Variants in NEU3 observed in about 807,000 individuals in gnomAD.
NEU3 encodes the protein sialidase-3.
NEU3 carries 10 observed loss-of-function variants against 11.4 expected under a neutral mutation model. The ratio of observed to expected loss-of-function variants is 0.88; its 90% CI spans 0.54 to 1.49. The LOEUF (loss-of-function observed/expected upper bound fraction) is 1.49, where lower values mean the gene tolerates loss of function less well. NEU3 is among the 40% of genes most tolerant of loss of function. The probability of loss-of-function intolerance (pLI) is 0.00; values close to 1 mark genes in which losing one functional copy is unlikely to be tolerated. For missense variants in NEU3, 529 were observed against 581.8 expected (o/e 0.91, Z 0.93); for synonymous variants, 212 against 228.2 (o/e 0.93, Z 0.64).
At chr11:75,014,666 C>T (rs972188552), downstream of NEU3, among the ~76,000 whole-genome samples, 1 of 152,088 alleles carries the variant, frequency 6.6e-6, no homozygotes, top group Non-Finnish European at 1.5e-5. Flanking sequence ...GAGTTCAAGA[C>T]CAGCCTGGGC....
intron 2 of NEU3, among the ~76,000 whole-genome samples, chr11:74,998,027 A>C (rs1216786045): frequency 2.0e-5 from 3 of 152,138 alleles, no homozygotes; most frequent in East Asian, 3.9e-4. Flanking sequence ...TCACTTGAAC[A>C]CTTAGAGGCC....
upstream of NEU3, chr11:74,988,899 C>A (rs1948697305): frequency 7.8e-6 from 5 of 638,958 alleles, no homozygotes; most frequent in South Asian, 5.1e-5. Context: ...CAGCCTGCGC[C>A]CGCCTCTTTT....
downstream of NEU3, among the ~76,000 whole-genome samples, chr11:75,011,734 CA>C (rs5792679): frequency 0.43 from 66,109 of 151,986 alleles, 15,374 homozygotes; most frequent in Non-Finnish European, 0.54. Flanking sequence ...AGCTTGCAAC[CA>C]AAAGAATTTA....
At chr11:74,982,150 G>A in the NEU3 span, among the ~76,000 whole-genome samples, 1 of 152,216 alleles carries the variant, frequency 6.6e-6, no homozygotes, top group South Asian at 2.1e-4. Context: ...AACATTAGCT[G>A]TTTGTTGAGT....
At position 74,994,502 on chromosome 11, in the gene NEU3, C is replaced by T. The variant is rs1408924665; in HGVS notation, c.95-7C>T. On this transcript the variant is annotated splice_polypyrimidine_tract_variant and splice_region_variant and intron_variant, in intron 1 of 2. Transcript: ENST00000294064. ...GACACACATTAAGCTTCCTTCTATC[C>T]TTGCAGAGGTCATGGAAGAAGTGAC... The T allele has an allele frequency of 1.3e-6, 2 of 1,595,690 alleles. No individual in the cohort carries two copies. The highest frequency in any genetic ancestry group is 8.6e-7 in the Non-Finnish European group (1 of 1,168,976).
upstream of NEU3, among the ~76,000 whole-genome samples, chr11:74,983,430 T>A (rs1484588226): frequency 6.6e-6 from 1 of 152,224 alleles, no homozygotes; most frequent in Non-Finnish European, 1.5e-5. Flanking sequence ...CAGGCCATTT[T>A]CCATTATAAC....
rs187628248 is a variant in NEU3, at chr11:74,989,929, G to C, written c.94+775G>C. On this transcript the variant is annotated intron_variant, in intron 1 of 2. Transcript: ENST00000294064. ...TCTGCTTAAATGAACCCCAGAGCAG[G>C]CCCATATCTGATTATTTTCTATCCC... 2.5e-4 allele frequency: 176 copies of C among 701,734 alleles called. 1 individual carries two copies. Among genetic ancestry groups the C allele is most frequent in the Middle Eastern group, 4.6e-4 (2 of 4,362 alleles). The allele number at this position is 701,734 out of a possible 1,614,324, so 43.5% of individuals were successfully genotyped here.
At chr11:74,984,397 C>T (rs1314691027), upstream of NEU3, among the ~76,000 whole-genome samples, 1 of 152,156 alleles carries the variant, frequency 6.6e-6, no homozygotes, top group Admixed American at 6.5e-5. Context: ...TGGCTCTCTG[C>T]GTCATCATAT....
At position 75,005,528 on chromosome 11, in the gene NEU3, G is replaced by T. The variant is rs778712896; in HGVS notation, c.422G>T (p.Arg141Leu). Reference sequence around the variant, plus strand: ...GTGTTCCTGTTCTTCATCTGTGTGCGGGGCCATGTCACAGAGCGTCAACAG... The same window carrying T: ...GTGTTCCTGTTCTTCATCTGTGTGCTGGGCCATGTCACAGAGCGTCAACAG... ...GCVFLFFICVRGHVTERQQIV... is the reference protein window; with the variant it reads ...GCVFLFFICVLGHVTERQQIV... Residue 141 changes from arginine (R) to leucine (L), a missense_variant, in exon 3 of 3, where the codon CGG becomes CTG. Arg to Leu is a moderately radical substitution (Grantham distance 102). Transcript: ENST00000294064. 1.9e-6 allele frequency: 3 copies of T among 1,613,808 alleles called. No homozygotes were observed. In the African/African-American group the frequency reaches 4.0e-5, roughly 22 times the overall value.
At position 74,994,543 on chromosome 11, in the gene NEU3, C is replaced by T; in HGVS notation, c.129C>T (p.Asn43=). 6.2e-7 allele frequency: 1 copy of T among 1,613,298 alleles called. No individual in the cohort carries two copies. Among genetic ancestry groups the T allele is most frequent in the Non-Finnish European group, 8.5e-7 (1 of 1,179,480 alleles). Reference sequence around the variant, plus strand: ...AAGAAGTGACAACATGCTCCTTCAACAGCCCTCTGTTCCGGCAGGAAGATG... The same window carrying T: ...AAGAAGTGACAACATGCTCCTTCAATAGCCCTCTGTTCCGGCAGGAAGATG... ...VMEEVTTCSF[N]SPLFRQEDDR... Residue 43 remains asparagine, a synonymous_variant, in exon 2 of 3, where the codon AAC becomes AAT. Transcript: ENST00000294064.
chr11:75,006,027 GC>G lies in NEU3; in HGVS notation c.926del (p.Pro309HisfsTer9). 6.2e-7 allele frequency: 1 copy of G among 1,613,960 alleles called. No homozygotes were observed. Among genetic ancestry groups the G allele is most frequent in the Non-Finnish European group, 8.5e-7 (1 of 1,179,890 alleles). On this transcript the variant is annotated frameshift_variant, in exon 3 of 3. Coordinates refer to ENST00000294064, the MANE Select transcript of NEU3 (RefSeq NM_006656.6). LOFTEE classifies it low-confidence loss of function (END_TRUNC). Reference sequence around the variant, plus strand: ...TGGCCCTGAGTCGACAGCTCTGTGAGCCCCCACATGGTTGCCAAGGGAGTGT... The same window carrying G: ...TGGCCCTGAGTCGACAGCTCTGTGAGCCCCACATGGTTGCCAAGGGAGTGT... Reference protein sequence around the residue: ...RLALSRQLCEPPHGCQGSVVS... With the variant: ...RLALSRQLCEXPHGCQGSVVS...
chr11:74,986,080 C>T (rs561328950), upstream of NEU3, among the ~76,000 whole-genome samples: 2 of 152,220 alleles, frequency 1.3e-5, no homozygotes, highest in Non-Finnish European at 2.9e-5. Context: ...TAAATCTGCA[C>T]AAGTACCATT....
chr11:75,006,083 A>G lies in NEU3; in HGVS notation c.977A>G (p.His326Arg). Residue 326 changes from histidine (H) to arginine (R), a missense_variant, in exon 3 of 3, where the codon CAT becomes CGT. By Grantham distance (29) the His-to-Arg change is conservative. Transcript: ENST00000294064. ...VVSFRPLEIP[H>R]RCQDSSSKDA... is the part of the protein sequence containing the mutation. ...AGTTTCCGGCCCCTGGAGATCCCACATAGGTGCCAGGACTCTAGCAGCAAA... is the reference window on the plus strand; with the variant it reads ...AGTTTCCGGCCCCTGGAGATCCCACGTAGGTGCCAGGACTCTAGCAGCAAA... 1.2e-6 allele frequency: 2 copies of G among 1,614,002 alleles called. No individual in the cohort carries two copies. The highest frequency in any genetic ancestry group is 8.5e-7 in the Non-Finnish European group (1 of 1,179,894).
upstream of NEU3, chr11:74,988,761 G>C (rs1948694586): frequency 2.2e-6 from 1 of 449,970 alleles, no homozygotes; most frequent in Non-Finnish European, 4.0e-6. Flanking sequence ...GGCGAGGGTG[G>C]AGGTGGTGCC....
In NEU3 at chr11:74,992,577, G is replaced by A. The variant is rs1036844867; in HGVS notation, c.95-1932G>A. On this transcript the variant is annotated intron_variant, in intron 1 of 2. Transcript: ENST00000294064. ...TCCCCTTTTGGACCTCTGAGAAGTGGAACACCTGGTTTTCTTTAAGAAGAA... is the reference window on the plus strand; with the variant it reads ...TCCCCTTTTGGACCTCTGAGAAGTGAAACACCTGGTTTTCTTTAAGAAGAA... Among the ~76,000 whole-genome samples the A allele has an allele frequency of 8.3e-4, 127 of 152,190 alleles. 1 individual carries two copies. The highest frequency in any genetic ancestry group is 2.9e-3 in the African/African-American group (120 of 41,436).
upstream of NEU3, chr11:74,988,799 T>A: frequency 4.2e-6 from 2 of 480,888 alleles, no homozygotes; most frequent in South Asian, 4.7e-5. Flanking sequence ...GGGACCGAGC[T>A]GCGGGCTGGA....
At chr11:75,003,540 A>C (rs1472280128) in intron 2 of NEU3, among the ~76,000 whole-genome samples, 1 of 152,128 alleles carries the variant, frequency 6.6e-6, no homozygotes, top group Non-Finnish European at 1.5e-5. Context: ...TCTGATGCAA[A>C]AGGTAGCATA....
intron 1 of NEU3, chr11:74,989,871 A>G: frequency 1.5e-6 from 1 of 671,546 alleles, no homozygotes; most frequent in Non-Finnish European, 2.7e-6. Flanking sequence ...TGGGAAAGTG[A>G]TTATATCGAG....
chr11:74,989,481 A>AC (rs1948708289), intron 1 of NEU3, among the ~76,000 whole-genome samples: 1 of 152,092 alleles, frequency 6.6e-6, no homozygotes, highest in African/African-American at 2.4e-5. Context: ...CTTGGTCCAG[A>AC]TTTTACTGTG....
Sources: allele counts gnomAD v4.1 joint callset (sites outside exome capture counted in the v4.1 genomes callset), GRCh38; gene constraint gnomAD v4.1.1; transcripts MANE v1.5; gene names NCBI Gene and HGNC (gene_info 2026-07-23, HGNC 2026-07-21).